The following CTNNA2 variants were observed in gnomAD, a reference collection of about 807,000 sequenced individuals.
CTNNA2 encodes catenin alpha-2.
Under a neutral mutation model 101.0 loss-of-function variants are expected in CTNNA2, and 42 were observed. The ratio of observed to expected loss-of-function variants is 0.42; its 90% confidence interval spans 0.32 to 0.54. The LOEUF is 0.54. CTNNA2 is among the 20% of genes least tolerant of loss of function. The pLI, the probability that CTNNA2 is intolerant of heterozygous loss-of-function variation, is 0.14. For synonymous variants in CTNNA2, 450 were observed against 456.4 expected, an observed-to-expected ratio of 0.99 and a Z score of 0.18; for missense variants, 871 against 1,223.1, an observed-to-expected ratio of 0.71 and a Z score of 4.29.
At chr2:80,646,669 A>G (rs1674127928) in intron 18 of CTNNA2, among the ~76,000 whole-genome samples, 1 of 151,886 alleles carries the variant, frequency 6.6e-6, no homozygotes, top group Non-Finnish European at 1.5e-5. Context: ...TACATACCAC[A>G]CTAACTACTT....
chr2:79,629,651 T>TG (rs1414599405), intron 1 of CTNNA2, among the ~76,000 whole-genome samples: 3 of 151,820 alleles, frequency 2.0e-5, no homozygotes, highest in Non-Finnish European at 4.4e-5. Flanking sequence ...CAGAAGTAGG[T>TG]GGGGTAAGGA....
chr2:80,144,800 A>G (rs1349196619), intron 7 of CTNNA2, among the ~76,000 whole-genome samples: 1 of 152,166 alleles, frequency 6.6e-6, no homozygotes, highest in African/African-American at 2.4e-5. Context: ...TCTCATCCTG[A>G]AAATATTTAT....
At chr2:79,212,339 T>C (rs1017043622) in intron 2 of CTNNA2, among the ~76,000 whole-genome samples, 1 of 152,276 alleles carries the variant, frequency 6.6e-6, no homozygotes. Flanking sequence ...GTCTGGTGTC[T>C]GGAATGACAC....
chr2:79,759,277 C>G (rs1278512938), intron 3 of CTNNA2, among the ~76,000 whole-genome samples: 2 of 152,086 alleles, frequency 1.3e-5, no homozygotes, highest in African/African-American at 4.8e-5. Context: ...TCTGTAATCC[C>G]AGCTACTAGA....
chr2:80,232,041 C>G (rs898308733), intron 7 of CTNNA2, among the ~76,000 whole-genome samples: 8 of 152,164 alleles, frequency 5.3e-5, no homozygotes, highest in African/African-American at 1.9e-4. Flanking sequence ...TAGATAATAA[C>G]TTAACTCTTT....
chr2:79,471,060 G>A (rs1199205541), intron 4 of CTNNA2, among the ~76,000 whole-genome samples: 2 of 152,172 alleles, frequency 1.3e-5, no homozygotes, highest in African/African-American at 4.8e-5. Flanking sequence ...ATGTAATGAA[G>A]ATAGATGGCA....
At chr2:80,091,469 A>C (rs1045408595) in intron 7 of CTNNA2, among the ~76,000 whole-genome samples, 1 of 152,084 alleles carries the variant, frequency 6.6e-6, no homozygotes, top group African/African-American at 2.4e-5. Flanking sequence ...GATGTGTAGG[A>C]CAGAGAAAGG....
chr2:79,782,423 T>C lies in CTNNA2; in HGVS notation c.298+37841T>C, dbSNP rs1044715930. 2.6e-5 allele frequency among the ~76,000 whole-genome samples: 4 copies of C among 152,002 alleles called. No homozygotes were observed. In the South Asian group the frequency reaches 8.3e-4, roughly 32 times the overall value. ...AGGTAATTTTTATATTTTTAGTAGA[T>C]ACAGGGTTTCATCATGTTGGCCAGG... On this transcript the variant is annotated intron_variant, in intron 3 of 18. Transcript: ENST00000402739.
chr2:80,518,031 G>A (rs935209618), intron 9 of CTNNA2, among the ~76,000 whole-genome samples: 2 of 152,136 alleles, frequency 1.3e-5, no homozygotes, highest in Non-Finnish European at 2.9e-5. Context: ...TTGCTCCAAG[G>A]CAAGACACCA....
chr2:79,654,774 G>A (rs17783140), intron 2 of CTNNA2, among the ~76,000 whole-genome samples: 3,509 of 151,836 alleles, frequency 0.023, 42 homozygotes, highest in Middle Eastern at 0.037. Flanking sequence ...ACTCTTGTTA[G>A]TTCTATAAAA....
At chr2:79,220,516 C>T (rs1012577352) in intron 2 of CTNNA2, among the ~76,000 whole-genome samples, 2 of 151,964 alleles carry the variant, frequency 1.3e-5, no homozygotes, top group African/African-American at 4.8e-5. Flanking sequence ...AGAGACAGGC[C>T]ACAGGAGTGC....
At chr2:80,613,846 G>C (rs1364955162) in intron 17 of CTNNA2, among the ~76,000 whole-genome samples, 3 of 151,464 alleles carry the variant, frequency 2.0e-5, no homozygotes, top group Non-Finnish European at 4.4e-5. Context: ...TCTGTGGATG[G>C]ATTTGATTGT....
At chr2:80,573,013 C>G (rs191618007) in intron 12 of CTNNA2, 1 of 152,172 alleles carries the variant, frequency 6.6e-6, no homozygotes, top group Admixed American at 6.5e-5. Context: ...AGTAATTTAG[C>G]AGAATTTCTC....
intron 3 of CTNNA2, among the ~76,000 whole-genome samples, chr2:79,807,604 A>G (rs1558946152): frequency 6.6e-6 from 1 of 152,180 alleles, no homozygotes; most frequent in Admixed American, 6.5e-5. Flanking sequence ...ACATTATATT[A>G]GCTCTTTGAA....
At chr2:79,216,299 G>T (rs529818148) in intron 2 of CTNNA2, among the ~76,000 whole-genome samples, 12 of 148,156 alleles carry the variant, frequency 8.1e-5, no homozygotes, top group Non-Finnish European at 1.2e-4. Flanking sequence ...AGGGTGGAAG[G>T]TTGCCCATAA....
chr2:80,287,295 G>T (rs980361168), intron 7 of CTNNA2, among the ~76,000 whole-genome samples: 2 of 152,154 alleles, frequency 1.3e-5, no homozygotes, highest in African/African-American at 4.8e-5. Context: ...GGGTACATCA[G>T]AAAGACTACC....
At chr2:79,335,069 C>T (rs1261447026) in intron 3 of CTNNA2, among the ~76,000 whole-genome samples, 1 of 152,184 alleles carries the variant, frequency 6.6e-6, no homozygotes, top group Non-Finnish European at 1.5e-5. Flanking sequence ...ACTTCTTCCC[C>T]TGTTTAGTTA....
At chr2:79,246,778 C>A (rs1583371) in intron 2 of CTNNA2, among the ~76,000 whole-genome samples, 32,589 of 152,216 alleles carry the variant, frequency 0.21, 3,797 homozygotes, top group Admixed American at 0.34. Flanking sequence ...ACAATTGAGC[C>A]CATGAGCTTG....
intron 7 of CTNNA2, among the ~76,000 whole-genome samples, chr2:80,117,491 A>G (rs987678856): frequency 5.8e-4 from 30 of 52,106 alleles, no homozygotes; most frequent in Non-Finnish European, 9.3e-4. Flanking sequence ...TGTGTGTACA[A>G]TGTGTCCCCA....
Sources: gnomAD v4.1 joint callset for allele counts (sites outside exome capture counted in the v4.1 genomes callset) on GRCh38, gnomAD v4.1.1 for gene constraint, MANE v1.5 for transcripts, NCBI Gene and HGNC (gene_info 2026-07-23, HGNC 2026-07-21) for gene names.